Variants in SLC26A7 observed in about 807,000 individuals in gnomAD.
The protein encoded by SLC26A7 is solute carrier family 26 member 7, also known as anion exchange transporter.
A neutral mutation model predicts 82.5 loss-of-function variants in SLC26A7; 59 were observed. That is an observed-to-expected ratio of 0.72 (90% confidence interval 0.58 to 0.89). SLC26A7 has a LOEUF of 0.89. Ranked by LOEUF, SLC26A7 falls within the 40% of genes least tolerant of loss-of-function variation. The pLI is 0.00. For synonymous variants in SLC26A7, 271 were observed against 274.3 expected (o/e 0.99, Z 0.12); for missense variants, 820 against 793.0 (o/e 1.03, Z -0.41).
chr8:91,276,597 C>G (rs1811413828), intron 2 of SLC26A7, among the ~76,000 whole-genome samples: 1 of 152,012 alleles, frequency 6.6e-6, no homozygotes, highest in Non-Finnish European at 1.5e-5. Context: ...CTGAACTGAC[C>G]ATTCTCATTT....
chr8:91,294,481 T>G (rs1811963595), intron 3 of SLC26A7, among the ~76,000 whole-genome samples: 1 of 152,166 alleles, frequency 6.6e-6, no homozygotes, highest in Admixed American at 6.5e-5. Context: ...TTGACTCATG[T>G]CTCTCTTGCC....
At chr8:91,329,758 C>T (rs928023426) in intron 5 of SLC26A7, among the ~76,000 whole-genome samples, 1 of 152,142 alleles carries the variant, frequency 6.6e-6, no homozygotes, top group African/African-American at 2.4e-5. Context: ...ATAATATTCT[C>T]AATTTTATCC....
intron 9 of SLC26A7, chr8:91,348,417 G>T (rs563027352): frequency 1.1e-6 from 1 of 914,090 alleles, no homozygotes; most frequent in African/African-American, 1.8e-5. Flanking sequence ...TAATAAAAAT[G>T]CATGTATGGT....
intron 8 of SLC26A7, among the ~76,000 whole-genome samples, chr8:91,341,719 A>G (rs146352160): frequency 6.6e-6 from 1 of 152,212 alleles, no homozygotes; most frequent in African/African-American, 2.4e-5. Context: ...AGCCTCTCTC[A>G]TGGCTTATAA....
intron 1 of SLC26A7, among the ~76,000 whole-genome samples, chr8:91,216,570 A>G (rs1810051732): frequency 6.6e-6 from 1 of 152,094 alleles, no homozygotes; most frequent in South Asian, 2.1e-4. Flanking sequence ...TAGTTCTTTA[A>G]TTCTAGCTGA....
chr8:91,290,675 A>G (rs1428910039), intron 3 of SLC26A7, among the ~76,000 whole-genome samples: 3 of 152,174 alleles, frequency 2.0e-5, no homozygotes, highest in Non-Finnish European at 4.4e-5. Context: ...CTTTAATTTC[A>G]TCTGCAATGT....
chr8:91,220,573 C>A (rs542513384), intron 2 of SLC26A7, among the ~76,000 whole-genome samples: 1 of 152,190 alleles, frequency 6.6e-6, no homozygotes. Flanking sequence ...CAACGTTCAA[C>A]TCCCACTTAT....
intron 6 of SLC26A7, among the ~76,000 whole-genome samples, chr8:91,337,080 A>G (rs2067757672): frequency 2.0e-5 from 3 of 152,028 alleles, no homozygotes; most frequent in Admixed American, 2.0e-4. Context: ...TAACAATATC[A>G]CCTTTATGGT....
rs1461818406 is a variant in SLC26A7 at position 91,396,187 on chromosome 8, A to T, written c.*1090A>T. 1 of 152,058 alleles carries T rather than the reference A, an allele frequency of 6.6e-6. No individual in the cohort carries two copies. 9.4% of individuals were successfully genotyped at this position (152,058 alleles called of 1,614,324 possible). On this transcript the variant is annotated 3_prime_UTR_variant, in exon 19 of 19. Coordinates refer to ENST00000276609, the MANE Select transcript of SLC26A7 (RefSeq NM_052832.4). ...TATGTTACTGTTTTCATGCTTATAC[A>T]TATATTTTCAATCACATACAAGTAC...
chr8:91,291,061 A>G (rs1306650231), intron 3 of SLC26A7, among the ~76,000 whole-genome samples: 1 of 152,112 alleles, frequency 6.6e-6, no homozygotes, highest in Non-Finnish European at 1.5e-5. Context: ...ATGTGTTTAT[A>G]TGTTTATGCA....
intron 15 of SLC26A7, among the ~76,000 whole-genome samples, chr8:91,376,121 C>T (rs1372690842): frequency 6.6e-6 from 1 of 151,900 alleles, no homozygotes; most frequent in East Asian, 1.9e-4. Flanking sequence ...TCTTTCAAAT[C>T]CTGAATTGTT....
rs901912485 is a variant in SLC26A7, at chr8:91,269,844, T to C, written c.194-19292T>C. ...TCTATGTTTGAGCTCGCTTAGTCTT[T>C]CCTCTGTTTCATCAAATCTACTGTG... On this transcript the variant is annotated intron_variant, in intron 2 of 18. Coordinates refer to ENST00000276609, the MANE Select transcript of SLC26A7 (RefSeq NM_052832.4). Among the ~76,000 whole-genome samples, 3 of 152,220 alleles carry C rather than the reference T, an allele frequency of 2.0e-5. No homozygotes were observed. The South Asian group carries it at 6.2e-4, about 32-fold the overall frequency.
chr8:91,332,861 A>T (rs938013432), intron 5 of SLC26A7, among the ~76,000 whole-genome samples: 3 of 151,798 alleles, frequency 2.0e-5, no homozygotes, highest in Non-Finnish European at 4.4e-5. Flanking sequence ...ACATGTTTTG[A>T]CTTATTATAA....
intron 2 of SLC26A7, among the ~76,000 whole-genome samples, chr8:91,254,850 A>G (rs1586325692): frequency 6.6e-6 from 1 of 152,286 alleles, no homozygotes; most frequent in Non-Finnish European, 1.5e-5. Context: ...AGTATCTGCC[A>G]TGATGTTCTT....
intron 2 of SLC26A7, among the ~76,000 whole-genome samples, chr8:91,288,811 A>G (rs533845469): frequency 3.3e-5 from 5 of 152,166 alleles, no homozygotes; most frequent in Admixed American, 6.5e-5. Flanking sequence ...TGCTTCTAAA[A>G]TTTTAGTGTG....
chr8:91,219,336 AT>A (rs146658245), intron 2 of SLC26A7: 2,672 of 171,076 alleles, frequency 0.016, 37 homozygotes, highest in Non-Finnish European at 0.024. Context: ...GGGGAAAAGT[AT>A]TTATTTTATG....
At chr8:91,359,603 G>A (rs1388012324) in intron 11 of SLC26A7, among the ~76,000 whole-genome samples, 1 of 152,124 alleles carries the variant, frequency 6.6e-6, no homozygotes, top group African/African-American at 2.4e-5. Flanking sequence ...ATGATTCAGT[G>A]GGACATTGGG....
chr8:91,351,868 T>C lies in SLC26A7; in HGVS notation c.1199T>C (p.Leu400Ser), dbSNP rs1475770004. Residue 400 changes from leucine (L) to serine (S), a missense_variant, in exon 10 of 19, where the codon TTG (leucine) becomes TCG (serine). Coordinates refer to ENST00000276609, the MANE Select transcript of SLC26A7 (RefSeq NM_052832.4). ...ATAGTCATCTATGCAATAGGACCTT[T>C]GCTTTACTGGCTGCCCATGGTACGG... is the stretch of plus-strand genomic sequence containing the variant. The part of the protein sequence containing the change: ...VLIVIYAIGP[L>S]LYWLPMCVLA... The C allele has an allele frequency of 6.2e-7, 1 of 1,612,204 alleles. No individual in the cohort carries two copies. Among genetic ancestry groups the C allele is most frequent in the South Asian group, 1.1e-5 (1 of 91,034 alleles).
chr8:91,394,345 T>C, intron 18 of SLC26A7: 1 of 1,583,510 alleles, frequency 6.3e-7, no homozygotes, highest in Non-Finnish European at 8.6e-7. Context: ...GGATCTACTG[T>C]CCTGGGGACT....
Sources: gnomAD v4.1 joint callset for allele counts (sites outside exome capture counted in the v4.1 genomes callset) on GRCh38, gnomAD v4.1.1 for gene constraint, MANE v1.5 for transcripts, NCBI Gene and HGNC (gene_info 2026-07-23, HGNC 2026-07-21) for gene names.